The following PRMT3 variants were observed in gnomAD, a reference collection of about 807,000 sequenced individuals.
The protein encoded by PRMT3 is protein arginine N-methyltransferase 3.
PRMT3 carries 62 observed loss-of-function variants against 71.9 expected under a neutral mutation model. That is an observed-to-expected ratio of 0.86 (90% confidence interval 0.70 to 1.07). PRMT3 has a LOEUF of 1.07. Among genes scored for constraint, PRMT3 ranks in the 50% least tolerant of loss-of-function variants. The probability of loss-of-function intolerance (pLI) is 0.00; values close to 1 mark genes in which losing one functional copy is unlikely to be tolerated. For synonymous variants in PRMT3, 213 were observed against 220.4 expected (o/e 0.97, Z 0.30); for missense variants, 663 against 643.0 (o/e 1.03, Z -0.34).
At chr11:20,416,848 A>G (rs889628912) in intron 9 of PRMT3, among the ~76,000 whole-genome samples, 10 of 152,074 alleles carry the variant, frequency 6.6e-5, no homozygotes, top group South Asian at 2.1e-4. Flanking sequence ...ATGTGTGTAA[A>G]TCTACCCCCA....
chr11:20,462,045 A>C lies in PRMT3; in HGVS notation c.1138A>C (p.Ile380Leu). The C allele has an allele frequency of 6.2e-7, 1 of 1,612,912 alleles. No homozygotes were observed. Among genetic ancestry groups the C allele is most frequent in the South Asian group, 1.1e-5 (1 of 90,918 alleles). The change falls in exon 12 of 16, where the codon ATT becomes CTT. Residue 380 changes from isoleucine to leucine, a missense_variant. By Grantham distance (5) the Ile-to-Leu change is conservative. Coordinates refer to ENST00000331079, the MANE Select transcript of PRMT3 (RefSeq NM_005788.4). The part of the protein sequence containing the change: ...VSDVNKHADR[I>L]AFWDDVYGFK... ...TGATGTGAATAAACATGCTGATAGA[A>C]TTGCTTTTTGGGATGATGTCTATGG...
chr11:20,462,200 G>A (rs1225003494), intron 12 of PRMT3, 33 bp downstream of exon 12: 5 of 1,492,208 alleles, frequency 3.4e-6, no homozygotes, highest in African/African-American at 1.4e-5. Flanking sequence ...TTTTTATAAT[G>A]GTATTGCTAT....
At chr11:20,446,035 TG>T (rs1850019713) in intron 10 of PRMT3, among the ~76,000 whole-genome samples, 1 of 152,172 alleles carries the variant, frequency 6.6e-6, no homozygotes, top group African/African-American at 2.4e-5. Flanking sequence ...ATAATAGTGC[TG>T]TAGTGTGCTT....
rs114441540 is a variant in PRMT3, at chr11:20,496,879, C to G, written c.1486+2625C>G. Among the ~76,000 whole-genome samples, 1,072 of 152,258 alleles carry G rather than the reference C, an allele frequency of 7.0e-3. 16 individuals carry two copies. The highest frequency in any genetic ancestry group is 0.024 in the African/African-American group (1,017 of 41,552). ...TTGTCATTTTCTCACTTTGAAGTTG[C>G]AAGTGATATGGAAATAAAACCTTGA... On this transcript the variant is annotated intron_variant, in intron 15 of 15. Transcript: ENST00000331079.
chr11:20,447,645 TTAAC>T (rs1056231717), intron 10 of PRMT3, among the ~76,000 whole-genome samples: 14 of 152,102 alleles, frequency 9.2e-5, no homozygotes, highest in Non-Finnish European at 2.1e-4. Flanking sequence ...CAACCTGCAT[TTAAC>T]TAATTCACCA....
intron 9 of PRMT3, among the ~76,000 whole-genome samples, chr11:20,419,969 C>T (rs1160943564): frequency 1.3e-5 from 2 of 152,058 alleles, no homozygotes; most frequent in African/African-American, 4.8e-5. Flanking sequence ...GCCAGGAGTT[C>T]GAGACCAGCC....
intron 9 of PRMT3, among the ~76,000 whole-genome samples, chr11:20,413,296 G>A (rs1321413271): frequency 1.3e-5 from 2 of 152,152 alleles, no homozygotes; most frequent in Non-Finnish European, 2.9e-5. Flanking sequence ...GTAGGAAACA[G>A]TTAATTGTTA....
chr11:20,449,557 AACTT>A (rs1850103821), intron 10 of PRMT3, among the ~76,000 whole-genome samples: 1 of 152,262 alleles, frequency 6.6e-6, no homozygotes, highest in East Asian at 1.9e-4. Flanking sequence ...TTTAGATCGC[AACTT>A]ACTTAACATA....
intron 11 of PRMT3, among the ~76,000 whole-genome samples, chr11:20,461,039 T>G (rs1850371586): frequency 6.6e-6 from 1 of 152,196 alleles, no homozygotes; most frequent in Non-Finnish European, 1.5e-5. Flanking sequence ...CTATGTAAAA[T>G]TTTTTACTGG....
At chr11:20,426,054 A>G (rs1017684552) in intron 9 of PRMT3, among the ~76,000 whole-genome samples, 1 of 152,234 alleles carries the variant, frequency 6.6e-6, no homozygotes, top group African/African-American at 2.4e-5. Flanking sequence ...CATATTACAG[A>G]AGAAGGGGAA....
chr11:20,432,706 C>T (rs1362351442), intron 10 of PRMT3, among the ~76,000 whole-genome samples: 1 of 152,164 alleles, frequency 6.6e-6, no homozygotes, highest in African/African-American at 2.4e-5. Flanking sequence ...TCCTTCTCTG[C>T]ATCCTTGCAT....
chr11:20,502,211 A>G lies in PRMT3; in HGVS notation c.1487-6093A>G, dbSNP rs149015370. 9.7e-4 allele frequency among the ~76,000 whole-genome samples: 147 copies of G among 152,320 alleles called. No individual in the cohort carries two copies. In the Middle Eastern group the frequency reaches 0.02, roughly 21 times the overall value. ...CACCACAGTGCACACACTTAACAAC[A>G]TCAGTCATTTTATATCTATTTGACA... On this transcript the variant is annotated intron_variant, in intron 15 of 15. Coordinates refer to ENST00000331079, the MANE Select transcript of PRMT3 (RefSeq NM_005788.4).
At chr11:20,412,170 C>T (rs1849208008) in intron 9 of PRMT3, among the ~76,000 whole-genome samples, 1 of 152,222 alleles carries the variant, frequency 6.6e-6, no homozygotes, top group African/African-American at 2.4e-5. Context: ...CTATCAAAGG[C>T]TATAGTTGTT....
chr11:20,477,196 T>C (rs979859115), intron 13 of PRMT3, among the ~76,000 whole-genome samples: 1 of 152,206 alleles, frequency 6.6e-6, no homozygotes, highest in Non-Finnish European at 1.5e-5. Flanking sequence ...TCAGCAGGTC[T>C]TTCAGTGTGT....
intron 13 of PRMT3, among the ~76,000 whole-genome samples, chr11:20,479,891 C>T (rs1398451346): frequency 1.3e-5 from 2 of 152,086 alleles, no homozygotes; most frequent in Non-Finnish European, 2.9e-5. Flanking sequence ...CAAGAATGTC[C>T]ATTGCGGCCT....
intron 11 of PRMT3, among the ~76,000 whole-genome samples, chr11:20,458,254 TACAA>T (rs1421098227): frequency 6.6e-6 from 1 of 152,218 alleles, no homozygotes; most frequent in Non-Finnish European, 1.5e-5. Context: ...TGGTTATTTA[TACAA>T]ACAGTGATAC....
At chr11:20,411,388 A>C (rs1359162429) in intron 9 of PRMT3, among the ~76,000 whole-genome samples, 1 of 152,114 alleles carries the variant, frequency 6.6e-6, no homozygotes, top group Admixed American at 6.6e-5. Context: ...TACATATGTC[A>C]AACTAGTCTT....
chr11:20,395,389 GTTGGAGTACAGTGGTGCGA>G lies in PRMT3; in HGVS notation c.401-412_401-394del, dbSNP rs1278861326. Among the ~76,000 whole-genome samples, 3 of 152,118 alleles carry G rather than the reference GTTGGAGTACAGTGGTGCGA, an allele frequency of 2.0e-5. No homozygotes were observed. The East Asian group carries it at 5.8e-4, about 29-fold the overall frequency. On this transcript the variant is annotated intron_variant, in intron 5 of 15. Transcript: ENST00000331079. ...GACCGAGTCTCACTGTATTGCCCAG[GTTGGAGTACAGTGGTGCGA>G]TCACAGCTCACTGCAACCTCCGCTT...
At chr11:20,504,683 A>ATT (rs1468543974) in intron 15 of PRMT3, among the ~76,000 whole-genome samples, 23 of 131,022 alleles carry the variant, frequency 1.8e-4, no homozygotes, top group Non-Finnish European at 3.5e-4. Context: ...TATCTCAAGT[A>ATT]TTGTATGTGT....
Sources: allele counts gnomAD v4.1 joint callset (sites outside exome capture counted in the v4.1 genomes callset), GRCh38; gene constraint gnomAD v4.1.1; transcripts MANE v1.5; gene names NCBI Gene and HGNC (gene_info 2026-07-23, HGNC 2026-07-21).